The following ADAMTSL1 variants were observed in gnomAD, a reference collection of about 807,000 sequenced individuals.
ADAMTSL1 encodes the protein ADAMTS-like protein 1.
In ADAMTSL1, 126 loss-of-function variants were observed where a neutral mutation model predicts 201.8. The observed-to-expected ratio is 0.62, with a 90% CI of 0.54 to 0.72. The LOEUF (loss-of-function observed/expected upper bound fraction) is 0.72, where lower values mean the gene tolerates loss of function less well. Among genes scored for constraint, ADAMTSL1 ranks in the 30% least tolerant of loss-of-function variants. The pLI is 0.00. For missense variants in ADAMTSL1, 2,679 were observed against 2,277.8 expected, an observed-to-expected ratio of 1.18 and a Z score of -3.59; for synonymous variants, 1,121 against 903.4, an observed-to-expected ratio of 1.24 and a Z score of -4.32.
At chr9:17,958,716 C>T (rs199934019) in intron 1 of ADAMTSL1, among the ~76,000 whole-genome samples, 4 of 152,240 alleles carry the variant, frequency 2.6e-5, no homozygotes, top group East Asian at 3.9e-4. Context: ...AACCCAAACC[C>T]GTATTTCTTC....
chr9:18,637,762 A>T (rs2132789456), intron 6 of ADAMTSL1, among the ~76,000 whole-genome samples: 1 of 152,252 alleles, frequency 6.6e-6, no homozygotes, highest in East Asian at 1.9e-4. Flanking sequence ...AAGCTGGTAC[A>T]GTGTGAAACC....
intron 1 of ADAMTSL1, among the ~76,000 whole-genome samples, chr9:17,920,881 C>G (rs1011414916): frequency 2.0e-5 from 3 of 152,200 alleles, no homozygotes; most frequent in Admixed American, 2.0e-4. Context: ...CAAAACCAGG[C>G]AAGAGGGCGG....
At chr9:18,327,533 C>A (rs1286865408) in intron 2 of ADAMTSL1, among the ~76,000 whole-genome samples, 1 of 152,198 alleles carries the variant, frequency 6.6e-6, no homozygotes, top group East Asian at 1.9e-4. Context: ...AGTATGTTCT[C>A]CTCATTTGTA....
At chr9:18,711,869 A>C (rs1213104050) in intron 14 of ADAMTSL1, among the ~76,000 whole-genome samples, 218 of 145,716 alleles carry the variant, frequency 1.5e-3, no homozygotes, top group African/African-American at 4.5e-3. Flanking sequence ...TGAAGAGAGC[A>C]GTGGTTCTCC....
chr9:18,295,314 G>A (rs1328506168), intron 2 of ADAMTSL1, among the ~76,000 whole-genome samples: 1 of 151,670 alleles, frequency 6.6e-6, no homozygotes, highest in African/African-American at 2.4e-5. Context: ...TAGAATTCAA[G>A]GATGGAGATT....
intron 15 of ADAMTSL1, among the ~76,000 whole-genome samples, chr9:18,734,055 T>A (rs1818372725): frequency 1.3e-5 from 2 of 152,186 alleles, no homozygotes; most frequent in African/African-American, 4.8e-5. Flanking sequence ...AGGGTTAAAA[T>A]CCAATTCATA....
chr9:18,859,235 C>T (rs1242654428), intron 23 of ADAMTSL1, among the ~76,000 whole-genome samples: 2 of 152,180 alleles, frequency 1.3e-5, no homozygotes, highest in Non-Finnish European at 2.9e-5. Flanking sequence ...TCTGGAGGCT[C>T]TACGGGGAAA....
intron 1 of ADAMTSL1, among the ~76,000 whole-genome samples, chr9:18,099,355 A>ATATATATATATATATATATATTT (rs1239180390): frequency 2.2e-5 from 1 of 45,560 alleles, no homozygotes; most frequent in Non-Finnish European, 4.1e-5. Flanking sequence ...ATATATATAT[A>ATATATATATATATATATATATTT]TTTTTTTTTT....
intron 26 of ADAMTSL1, among the ~76,000 whole-genome samples, chr9:18,904,841 C>A (rs193036919): frequency 6.6e-6 from 1 of 150,388 alleles, no homozygotes; most frequent in African/African-American, 2.4e-5. Flanking sequence ...GCCTTGGGCA[C>A]AGCTGTCTGA....
chr9:18,019,454 C>T (rs1305264814), intron 1 of ADAMTSL1, among the ~76,000 whole-genome samples: 1 of 152,040 alleles, frequency 6.6e-6, no homozygotes, highest in Admixed American at 6.6e-5. Context: ...GTTAAGACCT[C>T]AGAGAGATCA....
upstream of ADAMTSL1, among the ~76,000 whole-genome samples, chr9:18,472,673 T>A (rs1821263635): frequency 6.6e-6 from 1 of 152,206 alleles, no homozygotes; most frequent in African/African-American, 2.4e-5. Context: ...CCATTATGGC[T>A]TGATCAGGTT....
chr9:18,222,004 C>A (rs558253717), intron 2 of ADAMTSL1, among the ~76,000 whole-genome samples: 1 of 151,798 alleles, frequency 6.6e-6, no homozygotes, highest in Non-Finnish European at 1.5e-5. Flanking sequence ...TGTATCTTCC[C>A]GAGTCTTAAA....
intron 7 of ADAMTSL1, among the ~76,000 whole-genome samples, chr9:18,647,367 T>A (rs1827887482): frequency 7.8e-5 from 1 of 12,894 alleles, no homozygotes; most frequent in African/African-American, 4.0e-4. Context: ...TTTTGAAGGG[T>A]TTTTTTTCCC....
intron 13 of ADAMTSL1, among the ~76,000 whole-genome samples, chr9:18,697,135 G>A (rs961258116): frequency 2.6e-5 from 4 of 151,756 alleles, no homozygotes; most frequent in African/African-American, 9.7e-5. Flanking sequence ...GCCCACCTCA[G>A]CCCCCCCAAG....
At chr9:18,285,064 T>G (rs1411575840) in intron 2 of ADAMTSL1, among the ~76,000 whole-genome samples, 4 of 152,180 alleles carry the variant, frequency 2.6e-5, no homozygotes, top group Admixed American at 2.6e-4. Context: ...ATCCCTACAA[T>G]GAATGGTTGG....
intron 5 of ADAMTSL1, among the ~76,000 whole-genome samples, chr9:18,627,672 C>T (rs1826478018): frequency 6.6e-6 from 1 of 152,174 alleles, no homozygotes; most frequent in African/African-American, 2.4e-5. Context: ...TCCTCTTCTG[C>T]CTGCCTCTTC....
At chr9:18,573,034 A>T (rs982843817) in intron 3 of ADAMTSL1, among the ~76,000 whole-genome samples, 1 of 152,188 alleles carries the variant, frequency 6.6e-6, no homozygotes, top group Middle Eastern at 3.2e-3. Flanking sequence ...ACTGAGATTT[A>T]TTATTCATTA....
At chr9:18,199,497 A>G (rs1011430218) in intron 2 of ADAMTSL1, among the ~76,000 whole-genome samples, 5 of 152,118 alleles carry the variant, frequency 3.3e-5, no homozygotes, top group Non-Finnish European at 7.4e-5. Flanking sequence ...GCAATGAAAG[A>G]AAAAACAATC....
Position 18,653,691 on chromosome 9 carries a change from G to A in ADAMTSL1, c.835-3948G>A, listed in dbSNP as rs557712734. On this transcript the variant is annotated intron_variant, in intron 7 of 28. Transcript: ENST00000380548. ...GCACTATTTTCCAATATGGAGGTCT[G>A]GAGTTCTAGAAAAACTAGAAAACTC... is the stretch of plus-strand genomic sequence containing the variant. Among the ~76,000 whole-genome samples, 379 of 151,988 alleles carry A rather than the reference G, an allele frequency of 2.5e-3. 3 individuals are homozygous for A. The highest frequency in any genetic ancestry group is 8.5e-3 in the African/African-American group (353 of 41,452).
Sources: gnomAD v4.1 joint callset for allele counts (sites outside exome capture counted in the v4.1 genomes callset) on GRCh38, gnomAD v4.1.1 for gene constraint, MANE v1.5 for transcripts, NCBI Gene and HGNC (gene_info 2026-07-23, HGNC 2026-07-21) for gene names.